RBFOX1: variants seen among roughly 807,000 people sequenced by gnomAD.
The protein encoded by RBFOX1 is RNA binding protein fox-1 homolog 1.
Under a neutral mutation model 57.7 loss-of-function variants are expected in RBFOX1, and 8 were observed. The observed-to-expected ratio is 0.14, with a 90% CI of 0.08 to 0.25. The LOEUF (loss-of-function observed/expected upper bound fraction) is 0.25. RBFOX1 is among the 10% of genes least tolerant of loss of function. The pLI is 1.00. For synonymous variants in RBFOX1, 326 were observed against 222.4 expected (o/e 1.47, Z -4.15); for missense variants, 611 against 548.5 (o/e 1.11, Z -1.14).
chr16:5,370,453 C>G (rs1298880791), intron 1 of RBFOX1, among the ~76,000 whole-genome samples: 1 of 111,198 alleles, frequency 9.0e-6, no homozygotes. Context: ...CCCGATCCAG[C>G]CTCCTCCTCT....
intron 13 of RBFOX1, among the ~76,000 whole-genome samples, chr16:7,666,726 AAGTT>A (rs1430609467): frequency 1.3e-5 from 2 of 152,216 alleles, no homozygotes; most frequent in East Asian, 1.9e-4. Flanking sequence ...AGAAAAAACA[AAGTT>A]AGAAGAAGGA....
intron 2 of RBFOX1, among the ~76,000 whole-genome samples, chr16:5,552,852 G>A (rs2045517701): frequency 6.6e-6 from 1 of 152,250 alleles, no homozygotes; most frequent in Non-Finnish European, 1.5e-5. Flanking sequence ...CGAGGGAAAA[G>A]GGAGAAGGTC....
At chr16:5,772,620 A>C (rs2054018139) in intron 3 of RBFOX1, among the ~76,000 whole-genome samples, 1 of 152,214 alleles carries the variant, frequency 6.6e-6, no homozygotes, top group South Asian at 2.1e-4. Flanking sequence ...AGTGAGTTGA[A>C]AGGATGGTGG....
At position 7,172,118 on chromosome 16, in the gene RBFOX1, A is replaced by C. The variant is rs553462558; in HGVS notation, c.27+120020A>C. ...TCTCATCTGTAAAATGAAACATCCC[A>C]ATTAGATAAGTTATAAATGACCTTT... On this transcript the variant is annotated intron_variant, in intron 4 of 15. Coordinates refer to ENST00000550418, the MANE Select transcript of RBFOX1 (RefSeq NM_018723.4). 7.9e-4 allele frequency among the ~76,000 whole-genome samples: 121 copies of C among 152,286 alleles called. 1 individual carries two copies. Among genetic ancestry groups the C allele is most frequent in the African/African-American group, 2.8e-3 (116 of 41,570 alleles).
intron 11 of RBFOX1, among the ~76,000 whole-genome samples, chr16:7,642,061 T>A (rs2062907733): frequency 6.6e-6 from 1 of 152,130 alleles, no homozygotes; most frequent in Admixed American, 6.5e-5. Context: ...ATTGCAGTGA[T>A]CCATGACCAC....
intron 1 of RBFOX1, among the ~76,000 whole-genome samples, chr16:5,459,867 T>G (rs1428044865): frequency 6.6e-6 from 1 of 152,048 alleles, no homozygotes; most frequent in East Asian, 1.9e-4. Context: ...TTCTCGAGTC[T>G]CTCTCCTTCT....
intron 3 of RBFOX1, among the ~76,000 whole-genome samples, chr16:5,846,115 G>C (rs1231756831): frequency 1.3e-5 from 2 of 152,000 alleles, no homozygotes; most frequent in Non-Finnish European, 2.9e-5. Context: ...CTTGGAGGCG[G>C]AGGTTGCAGT....
At chr16:6,682,856 AAAAAG>A (rs2058865546) in intron 3 of RBFOX1, among the ~76,000 whole-genome samples, 1 of 145,770 alleles carries the variant, frequency 6.9e-6, no homozygotes, top group African/African-American at 2.6e-5. Flanking sequence ...ACATTTTTGA[AAAAAG>A]AAAAGAATTA....
chr16:5,650,576 C>A (rs1311723478), intron 3 of RBFOX1, among the ~76,000 whole-genome samples: 1 of 152,124 alleles, frequency 6.6e-6, no homozygotes, highest in Non-Finnish European at 1.5e-5. Flanking sequence ...GGATGCTAAT[C>A]CCCTGGGAAA....
At chr16:7,045,448 G>A (rs1284434186) in intron 3 of RBFOX1, among the ~76,000 whole-genome samples, 4 of 152,042 alleles carry the variant, frequency 2.6e-5, no homozygotes, top group Admixed American at 2.0e-4. Flanking sequence ...TCATTTGAAG[G>A]ACAGCATGGC....
intron 3 of RBFOX1, among the ~76,000 whole-genome samples, chr16:6,657,676 A>C (rs899273601): frequency 2.6e-5 from 4 of 152,184 alleles, no homozygotes; most frequent in African/African-American, 9.7e-5. Flanking sequence ...CAGTAATTTG[A>C]TAAAGTGGAA....
intron 4 of RBFOX1, among the ~76,000 whole-genome samples, chr16:7,410,152 C>T (rs1047336306): frequency 2.0e-5 from 3 of 151,804 alleles, no homozygotes; most frequent in African/African-American, 7.3e-5. Context: ...TGTCACTTTC[C>T]TACAGCGCAA....
At chr16:5,733,049 A>T (rs1291749053) in intron 3 of RBFOX1, among the ~76,000 whole-genome samples, 1 of 152,280 alleles carries the variant, frequency 6.6e-6, no homozygotes, top group East Asian at 1.9e-4. Flanking sequence ...GTGCCTAAAC[A>T]GGGGGTACAT....
intron 14 of RBFOX1, among the ~76,000 whole-genome samples, chr16:7,681,583 A>G (rs532445950): frequency 6.6e-6 from 1 of 152,296 alleles, no homozygotes; most frequent in African/African-American, 2.4e-5. Flanking sequence ...GATATATACT[A>G]AAAATTAAGG....
intron 1 of RBFOX1, among the ~76,000 whole-genome samples, chr16:6,121,673 G>A (rs1280755445): frequency 6.6e-6 from 1 of 152,176 alleles, no homozygotes; most frequent in Non-Finnish European, 1.5e-5. Flanking sequence ...TAGCATGGTG[G>A]TTAACAGGTG....
At chr16:7,296,670 C>T (rs1330131471) in intron 4 of RBFOX1, among the ~76,000 whole-genome samples, 1 of 152,182 alleles carries the variant, frequency 6.6e-6, no homozygotes, top group African/African-American at 2.4e-5. Context: ...GCTTTTGCTG[C>T]AATGAATAGG....
chr16:6,762,074 C>T (rs2076688803), intron 3 of RBFOX1, among the ~76,000 whole-genome samples: 1 of 152,150 alleles, frequency 6.6e-6, no homozygotes, highest in African/African-American at 2.4e-5. Flanking sequence ...CTGATCTCCA[C>T]ATGTGGTTCT....
chr16:5,537,541 T>A (rs56222783), intron 2 of RBFOX1, among the ~76,000 whole-genome samples: 2 of 152,046 alleles, frequency 1.3e-5, no homozygotes, highest in Admixed American at 1.3e-4. Context: ...CTTGCTTATA[T>A]GTGTTGTTGG....
Position 7,545,261 on chromosome 16 carries a change from A to G in RBFOX1, c.270+26872A>G, listed in dbSNP as rs2084109374. ...GCCCCTGCCTTTCCTTTCCTGAAAC[A>G]GCAGTTTTCCTTTGAGACACGAAGC... On this transcript the variant is annotated intron_variant, in intron 5 of 15. Transcript: ENST00000550418. Among the ~76,000 whole-genome samples, 3 of 152,074 alleles carry G rather than the reference A, an allele frequency of 2.0e-5. No homozygotes were observed. In the South Asian group the frequency reaches 6.2e-4, roughly 32 times the overall value.
Sources: allele counts gnomAD v4.1 joint callset (sites outside exome capture counted in the v4.1 genomes callset), GRCh38; gene constraint gnomAD v4.1.1; transcripts MANE v1.5; gene names NCBI Gene and HGNC (gene_info 2026-07-23, HGNC 2026-07-21).